Variants in RCAN1 observed in about 807,000 individuals in gnomAD.
RCAN1 encodes calcipressin-1.
RCAN1 carries 11 observed loss-of-function variants against 22.9 expected under a neutral mutation model. The ratio of observed to expected loss-of-function variants is 0.48; its 90% CI spans 0.30 to 0.79. RCAN1 has a LOEUF of 0.79. Among genes scored for constraint, RCAN1 ranks in the 30% least tolerant of loss-of-function variants. The pLI is 0.06. For missense variants in RCAN1, 291 were observed against 337.8 expected, an observed-to-expected ratio of 0.86 and a Z score of 1.09; for synonymous variants, 136 against 142.3, an observed-to-expected ratio of 0.96 and a Z score of 0.32.
chr21:34,537,383 T>C (rs989278295), intron 1 of RCAN1, among the ~76,000 whole-genome samples: 6 of 152,256 alleles, frequency 3.9e-5, no homozygotes, highest in African/African-American at 1.4e-4. Flanking sequence ...CCATTAACAT[T>C]GACGGAAAAT....
In RCAN1 at chr21:34,518,038, T is replaced by C. The variant is rs1414504503; in HGVS notation, c.*46A>G. 2 of 1,604,188 alleles carry C rather than the reference T, an allele frequency of 1.2e-6. No homozygotes were observed. Among genetic ancestry groups the C allele is most frequent in the East Asian group, 4.5e-5 (2 of 44,792 alleles). ...ACCAGCCACCTCCACAGTAAAAGAT[T>C]CCTCCCGTGAGTATGATTTGGAATG... is the stretch of plus-strand genomic sequence containing the variant. On this transcript the variant is annotated 3_prime_UTR_variant, in exon 4 of 4. Coordinates refer to ENST00000313806, the MANE Select transcript of RCAN1 (RefSeq NM_004414.7). The surrounding 1 kb of genome is among the most constrained non-coding windows in gnomAD (Gnocchi z 4.2).
At chr21:34,529,281 T>C (rs1234357688) in intron 1 of RCAN1, among the ~76,000 whole-genome samples, 2 of 152,196 alleles carry the variant, frequency 1.3e-5, no homozygotes, top group Non-Finnish European at 2.9e-5. Flanking sequence ...TTGGTTTTCC[T>C]TGGCTAAAAT....
intron 1 of RCAN1, among the ~76,000 whole-genome samples, chr21:34,539,554 A>G (rs1226053323): frequency 6.6e-6 from 1 of 152,216 alleles, no homozygotes; most frequent in African/African-American, 2.4e-5. Flanking sequence ...TATTACTTTT[A>G]TAATAACAAA....
chr21:34,568,755 T>C (rs1331429671), intron 1 of RCAN1, among the ~76,000 whole-genome samples: 1 of 152,240 alleles, frequency 6.6e-6, no homozygotes, highest in East Asian at 1.9e-4. Context: ...TCAAGTCTGA[T>C]TTCATTTCAT....
chr21:34,579,004 C>CA lies in RCAN1; in HGVS notation c.252+35755dup, dbSNP rs1987511457. 1.3e-5 allele frequency among the ~76,000 whole-genome samples: 2 copies of CA among 151,650 alleles called. 1 individual carries two copies. The highest frequency in any genetic ancestry group is 1.3e-4 in the Admixed American group (2 of 15,240). ...AAACAGACAAACAAAAACAAGCCAA[C>CA]AAAAAAAAGGACTTGCATCCAGTGA... On this transcript the variant is annotated intron_variant, in intron 1 of 3. Coordinates refer to ENST00000313806, the MANE Select transcript of RCAN1 (RefSeq NM_004414.7).
chr21:34,597,770 T>C (rs1224726143), intron 1 of RCAN1, among the ~76,000 whole-genome samples: 2 of 152,196 alleles, frequency 1.3e-5, no homozygotes, highest in Non-Finnish European at 2.9e-5. Flanking sequence ...GTGATACGAT[T>C]TTATACCTAG....
chr21:34,543,890 C>T (rs1986022138), intron 1 of RCAN1, among the ~76,000 whole-genome samples: 1 of 152,238 alleles, frequency 6.6e-6, no homozygotes, highest in African/African-American at 2.4e-5. Context: ...GTGGCACTGA[C>T]AGCCAGAGTC....
intron 3 of RCAN1, among the ~76,000 whole-genome samples, chr21:34,519,587 C>G (rs372849368): frequency 3.9e-5 from 6 of 151,934 alleles, no homozygotes; most frequent in East Asian, 1.9e-4. Flanking sequence ...TTAGTAGAGA[C>G]GAGGTTTCAC....
intron 1 of RCAN1, among the ~76,000 whole-genome samples, chr21:34,594,126 C>T (rs899964750): frequency 1.3e-5 from 2 of 152,068 alleles, no homozygotes; most frequent in Non-Finnish European, 2.9e-5. Context: ...GTAAAATAAA[C>T]AATCTGAGAG....
At chr21:34,602,515 T>G (rs1657700986) in intron 1 of RCAN1, among the ~76,000 whole-genome samples, 1 of 152,102 alleles carries the variant, frequency 6.6e-6, no homozygotes, top group African/African-American at 2.4e-5. Context: ...CACAGTGAAT[T>G]TTTCTGAAGG....
At position 34,518,329 on chromosome 21, in the gene RCAN1, T is replaced by C. The variant is rs939242196; in HGVS notation, c.587-73A>G. ...GTCAAAAGGCAAACATAAAAGAGCA[T>C]TCAGGGCTCTGCTGGGCCAGCTGCT... On this transcript the variant is annotated intron_variant, in intron 3 of 3. Transcript: ENST00000313806. The surrounding 1 kb of genome is among the most constrained non-coding windows in gnomAD (Gnocchi z 4.2). The C allele has an allele frequency of 8.0e-6, 12 of 1,495,536 alleles. No individual in the cohort carries two copies. The highest frequency in any genetic ancestry group is 1.4e-5 in the African/African-American group (1 of 72,692). The allele number at this position is 1,495,536 out of a possible 1,614,324, so 92.6% of individuals were successfully genotyped here.
intron 1 of RCAN1, among the ~76,000 whole-genome samples, chr21:34,566,952 C>G (rs1199590904): frequency 6.6e-6 from 1 of 152,104 alleles, no homozygotes. Flanking sequence ...GGGATCTACC[C>G]CCTTGACCCA....
In RCAN1 at chr21:34,614,828, G is replaced by A; in HGVS notation, c.184C>T (p.Gln62Ter). The A allele has an allele frequency of 6.7e-7, 1 of 1,491,462 alleles. No individual in the cohort carries two copies. The highest frequency in any genetic ancestry group is 8.9e-7 in the Non-Finnish European group (1 of 1,119,244). The allele number at this position is 1,491,462 out of a possible 1,614,324, so 92.4% of individuals were successfully genotyped here. A position where few individuals can be genotyped will look rare whatever the true frequency, so the allele number is the denominator to read the frequency against. The change falls in exon 1 of 4, where the codon CAG becomes TAG. Residue 62 changes from glutamine to a stop codon, truncating the protein, a stop_gained. Transcript: ENST00000313806. LOFTEE classifies it high-confidence loss of function. This position sits in a 1 kb window ranked among gnomAD's most constrained non-coding sequence, Gnocchi z 6.0. ...GCGATGGTGGCGCTGGGCAGGTCCT[G>A]CAGGTCCACCTCCTCCATCTCGCAG... is the stretch of plus-strand genomic sequence containing the variant. ...IDCEMEEVDL[Q>*]DLPSATIACH...
chr21:34,556,089 T>TAAATAAATAAATAAAA (rs1986557809), intron 1 of RCAN1, among the ~76,000 whole-genome samples: 1 of 65,942 alleles, frequency 1.5e-5, no homozygotes, highest in African/African-American at 5.9e-5. Flanking sequence ...AATAAATAAA[T>TAAATAAATAAATAAAA]AAATAAATAA....
intron 3 of RCAN1, 60 bp downstream of exon 3, chr21:34,521,439 T>G (rs8131131): frequency 6.2e-7 from 1 of 1,610,594 alleles, no homozygotes; most frequent in Admixed American, 1.7e-5. Flanking sequence ...TACTGCTCCC[T>G]GGTGCAGGGC....
chr21:34,559,446 G>T (rs1986710255), intron 1 of RCAN1: 1 of 152,128 alleles, frequency 6.6e-6, no homozygotes. Context: ...AGAAGATAAA[G>T]AACTCATTTG....
intron 1 of RCAN1, among the ~76,000 whole-genome samples, chr21:34,574,023 G>A (rs1020232282): frequency 1.3e-5 from 2 of 152,164 alleles, no homozygotes; most frequent in Non-Finnish European, 2.9e-5. Context: ...CTTAAGGAAC[G>A]CTACAAAAAT....
intron 1 of RCAN1, among the ~76,000 whole-genome samples, chr21:34,546,697 C>T (rs1483587509): frequency 2.0e-5 from 3 of 152,162 alleles, no homozygotes; most frequent in African/African-American, 7.2e-5. Context: ...CAAACAACAT[C>T]CACCGTACCA....
At chr21:34,560,073 C>A (rs11911595) in intron 1 of RCAN1, 36,760 of 152,120 alleles carry the variant, frequency 0.24, 5,189 homozygotes, top group African/African-American at 0.39. Context: ...TTTCTCCCCC[C>A]AACAATTTTG....
Sources: gnomAD v4.1 joint callset for allele counts (sites outside exome capture counted in the v4.1 genomes callset) on GRCh38, gnomAD v4.1.1 for gene constraint, Gnocchi (gnomAD v3.1) non-coding constraint, MANE v1.5 for transcripts, NCBI Gene and HGNC (gene_info 2026-07-23, HGNC 2026-07-21) for gene names.